The following ZBBX variants were observed in gnomAD, a reference collection of about 807,000 sequenced individuals.
The protein encoded by ZBBX is zinc finger B-box domain-containing protein 1.
Under a neutral mutation model 108.5 loss-of-function variants are expected in ZBBX, and 101 were observed. The ratio of observed to expected loss-of-function variants is 0.93; its 90% confidence interval spans 0.79 to 1.10. The LOEUF is 1.10. ZBBX is among the 50% of genes least tolerant of loss of function. The pLI, the probability that ZBBX is intolerant of heterozygous loss-of-function variation, is 0.00. For synonymous variants in ZBBX, 356 were observed against 323.4 expected, an observed-to-expected ratio of 1.10 and a Z score of -1.08; for missense variants, 1,009 against 941.4, an observed-to-expected ratio of 1.07 and a Z score of -0.94.
At chr3:167,333,746 A>G (rs1319963416) in intron 10 of ZBBX, 81 bp downstream of exon 10, 1 of 1,219,734 alleles carries the variant, frequency 8.2e-7, no homozygotes, top group African/African-American at 1.5e-5. Flanking sequence ...GTGAAATTCT[A>G]TAGCTCAAGT....
In ZBBX at chr3:167,360,670, T is replaced by C. The variant is rs1385754167; in HGVS notation, c.322+5A>G. The stretch of plus-strand genomic sequence containing the variant: ...CATTTATTAACATGGTGATAAATTA[T>C]TTACCTTGAATCTGTTCCTTCAGCA... On this transcript the variant is annotated splice_donor_5th_base_variant and intron_variant, in intron 7 of 21. Transcript: ENST00000675490. 2 of 1,362,312 alleles carry C rather than the reference T, an allele frequency of 1.5e-6. No individual in the cohort carries two copies. Among genetic ancestry groups the C allele is most frequent in the Non-Finnish European group, 1.9e-6 (2 of 1,039,060 alleles). The allele number at this position is 1,362,312 out of a possible 1,614,324, so 84.4% of individuals were successfully genotyped here.
chr3:167,385,264 C>G, upstream of ZBBX, among the ~76,000 whole-genome samples: 1 of 151,928 alleles, frequency 6.6e-6, no homozygotes, highest in East Asian at 1.9e-4. Context: ...GTACTGAATA[C>G]TATACACAAC....
the ZBBX span, among the ~76,000 whole-genome samples, chr3:167,181,851 G>A: frequency 6.6e-6 from 1 of 152,046 alleles, no homozygotes; most frequent in Non-Finnish European, 1.5e-5. Context: ...CGCTGGCAAG[G>A]GTCTATAGAC....
At chr3:167,287,582 T>C (rs1452170990) in intron 19 of ZBBX, among the ~76,000 whole-genome samples, 2 of 152,184 alleles carry the variant, frequency 1.3e-5, no homozygotes, top group East Asian at 1.9e-4. Context: ...TAGCAAATTA[T>C]TGATTTTGAC....
At chr3:167,316,000 T>C (rs944480511) in intron 14 of ZBBX, among the ~76,000 whole-genome samples, 171 bp from the exon 15 acceptor site, 3 of 152,142 alleles carry the variant, frequency 2.0e-5, no homozygotes, top group Non-Finnish European at 2.9e-5. Flanking sequence ...CAAATTCAAC[T>C]GACATTGGTT....
the ZBBX span, among the ~76,000 whole-genome samples, chr3:167,182,133 A>G: frequency 1.3e-5 from 2 of 151,948 alleles, no homozygotes; most frequent in Non-Finnish European, 2.9e-5. Flanking sequence ...TTTTTTTTAC[A>G]GTCTTTTTTA....
At chr3:167,394,720 CT>C (rs1488094095) in intron 1 of ZBBX, among the ~76,000 whole-genome samples, 1 of 151,934 alleles carries the variant, frequency 6.6e-6, no homozygotes, top group African/African-American at 2.4e-5. Context: ...AAATTAGTTC[CT>C]CAATAAAAGG....
chr3:167,407,461 C>T (rs35311675), intron 1 of ZBBX, among the ~76,000 whole-genome samples: 18,047 of 151,928 alleles, frequency 0.12, 1,199 homozygotes, highest in Non-Finnish European at 0.14. Context: ...GCCAATCCCT[C>T]GCACAGTCAA....
chr3:167,356,967 A>G (rs930760030), intron 8 of ZBBX, among the ~76,000 whole-genome samples: 2 of 152,156 alleles, frequency 1.3e-5, no homozygotes, highest in African/African-American at 4.8e-5. Context: ...TATTTATTGG[A>G]AAAAGATTAA....
At chr3:167,178,563 A>G in the ZBBX span, among the ~76,000 whole-genome samples, 32,380 of 152,064 alleles carry the variant, frequency 0.21, 3,755 homozygotes, top group Non-Finnish European at 0.27. Flanking sequence ...GGGGATCCTC[A>G]GGTTCCTCCC....
At chr3:167,308,991 C>T (rs748665463) in intron 16 of ZBBX, among the ~76,000 whole-genome samples, 6 of 152,068 alleles carry the variant, frequency 3.9e-5, no homozygotes, top group African/African-American at 7.2e-5. Flanking sequence ...GTCAGTTTAC[C>T]ACTGCTATGG....
chr3:167,292,092 A>G (rs1165107165), intron 18 of ZBBX, among the ~76,000 whole-genome samples: 1 of 152,144 alleles, frequency 6.6e-6, no homozygotes, highest in Non-Finnish European at 1.5e-5. Flanking sequence ...GTAGACTCCT[A>G]TACAATAATA....
At chr3:167,294,209 T>C (rs1242143515) in intron 18 of ZBBX, among the ~76,000 whole-genome samples, 1 of 152,122 alleles carries the variant, frequency 6.6e-6, no homozygotes, top group Non-Finnish European at 1.5e-5. Flanking sequence ...AAATTTCATA[T>C]GGAAACAAAA....
At chr3:167,278,785 G>C (rs1245066158) in intron 20 of ZBBX, among the ~76,000 whole-genome samples, 2 of 150,144 alleles carry the variant, frequency 1.3e-5, no homozygotes, top group African/African-American at 4.9e-5. Context: ...AAGCCGGGCA[G>C]AGACACAACC....
chr3:167,193,060 G>C, the ZBBX span, among the ~76,000 whole-genome samples: 2 of 152,108 alleles, frequency 1.3e-5, no homozygotes, highest in Non-Finnish European at 2.9e-5. Flanking sequence ...TTGCATTGAA[G>C]TATTTATTAT....
downstream of ZBBX, among the ~76,000 whole-genome samples, chr3:167,238,131 A>G (rs4955713): frequency 0.78 from 117,896 of 151,866 alleles, 45,971 homozygotes; most frequent in East Asian, 0.9. Context: ...TAAAATATGT[A>G]CATATATTTT....
the ZBBX span, among the ~76,000 whole-genome samples, chr3:167,191,934 TAG>T: frequency 1.4e-4 from 18 of 130,222 alleles, 1 homozygote; most frequent in African/African-American, 4.3e-4. Context: ...TATATATATA[TAG>T]AGCAAGTTAT....
intron 1 of ZBBX, among the ~76,000 whole-genome samples, chr3:167,405,008 G>A (rs1426715037): frequency 6.6e-6 from 1 of 152,184 alleles, no homozygotes; most frequent in Non-Finnish European, 1.5e-5. Context: ...ATACAAGGGA[G>A]AGGTGGCAAT....
intron 20 of ZBBX, chr3:167,248,667 G>T (rs1461485759): frequency 8.8e-6 from 4 of 456,498 alleles, no homozygotes; most frequent in Non-Finnish European, 1.3e-5. Flanking sequence ...GAAAAACAAG[G>T]TTTGAAGGAT....
Sources: allele counts gnomAD v4.1 joint callset (sites outside exome capture counted in the v4.1 genomes callset), GRCh38; gene constraint gnomAD v4.1.1; transcripts MANE v1.5; gene names NCBI Gene and HGNC (gene_info 2026-07-23, HGNC 2026-07-21).